Variants in PTPRT observed in about 807,000 individuals in gnomAD.
PTPRT encodes protein tyrosine phosphatase receptor type T, also known as receptor-type tyrosine-protein phosphatase T.
Under a neutral mutation model 176.8 loss-of-function variants are expected in PTPRT, and 56 were observed. The ratio of observed to expected loss-of-function variants is 0.32; its 90% confidence interval spans 0.26 to 0.40. The LOEUF (loss-of-function observed/expected upper bound fraction) is 0.40. Among genes scored for constraint, PTPRT ranks in the 10% least tolerant of loss-of-function variants. The pLI, the probability that PTPRT is intolerant of heterozygous loss-of-function variation, is 1.00. For missense variants in PTPRT, 1,540 were observed against 1,908.2 expected (o/e 0.81, Z 3.60); for synonymous variants, 783 against 739.0 (o/e 1.06, Z -0.96).
At chr20:42,839,312 T>A (rs8116034) in intron 2 of PTPRT, among the ~76,000 whole-genome samples, 1 of 151,652 alleles carries the variant, frequency 6.6e-6, no homozygotes, top group Non-Finnish European at 1.5e-5. Context: ...ACTCTGTTTT[T>A]TTTTTTTTTT....
chr20:42,528,961 C>G (rs1399220796), intron 7 of PTPRT, among the ~76,000 whole-genome samples: 1 of 152,194 alleles, frequency 6.6e-6, no homozygotes, highest in Non-Finnish European at 1.5e-5. Flanking sequence ...TCATACAACT[C>G]GCTCTCTATG....
rs200831045 is a variant in PTPRT at position 42,791,374 on chromosome 20, T to C, written c.307A>G (p.Ile103Val). ...PTLKENDTHC[I>V]DFHYYFSSRD... is the part of the protein sequence containing the mutation. Reference sequence around the variant, plus strand: ...CTGGAGAAGTAGTAATGGAAGTCGATGCAGTGGGTGTCATTCTCCTTCAGG... The same window carrying C: ...CTGGAGAAGTAGTAATGGAAGTCGACGCAGTGGGTGTCATTCTCCTTCAGG... Residue 103 changes from isoleucine (I) to valine (V), a missense_variant, in exon 3 of 31, where the codon ATC becomes GTC. By Grantham distance (29) the Ile-to-Val change is conservative (BLOSUM62 3). Transcript: ENST00000373187. 3.7e-6 allele frequency: 6 copies of C among 1,614,116 alleles called. No homozygotes were observed. The African/African-American group carries it at 4.0e-5, about 11-fold the overall frequency.
At position 43,189,861 on chromosome 20, in the gene PTPRT, C is replaced by G. The variant is rs1035272214; in HGVS notation, c.-128G>C. 1 of 287,444 alleles carries G rather than the reference C, an allele frequency of 3.5e-6. No individual in the cohort carries two copies. The highest frequency in any genetic ancestry group is 2.3e-5 in the African/African-American group (1 of 43,446). 17.8% of individuals were successfully genotyped at this position (287,444 alleles called of 1,614,324 possible). On this transcript the variant is annotated 5_prime_UTR_variant, in exon 1 of 31. Coordinates refer to ENST00000373187, the MANE Select transcript of PTPRT (RefSeq NM_007050.6). The surrounding 1 kb of genome is among the most constrained non-coding windows in gnomAD (Gnocchi z 5.0). ...CGCGCGGCTGGCTCCGCTCGGGCTC[C>G]CGGAGCCGGCGCTCCTGCGTTCCAA... is the stretch of plus-strand genomic sequence containing the variant.
At chr20:42,880,514 C>T (rs982292078) in intron 2 of PTPRT, among the ~76,000 whole-genome samples, 26 of 152,184 alleles carry the variant, frequency 1.7e-4, no homozygotes, top group African/African-American at 5.6e-4. Context: ...CAGCCCTTTC[C>T]GAAGGATACC....
intron 2 of PTPRT, among the ~76,000 whole-genome samples, chr20:42,811,837 A>T (rs1239694968): frequency 6.6e-6 from 1 of 152,118 alleles, no homozygotes; most frequent in Non-Finnish European, 1.5e-5. Flanking sequence ...TGCATTCATG[A>T]ATCTTTTATT....
At chr20:42,276,194 A>G (rs2057026519) in intron 13 of PTPRT, among the ~76,000 whole-genome samples, 1 of 151,974 alleles carries the variant, frequency 6.6e-6, no homozygotes, top group African/African-American at 2.4e-5. Flanking sequence ...ACAATCCTAT[A>G]CATGTCCATA....
At chr20:43,028,268 C>T (rs2146191716) in intron 1 of PTPRT, among the ~76,000 whole-genome samples, 1 of 152,240 alleles carries the variant, frequency 6.6e-6, no homozygotes, top group South Asian at 2.1e-4. Flanking sequence ...TGGAGAGAGG[C>T]TCTTCCAGAT....
chr20:42,368,320 G>T (rs1237540323), intron 9 of PTPRT, among the ~76,000 whole-genome samples: 8 of 152,196 alleles, frequency 5.3e-5, no homozygotes, highest in African/African-American at 1.7e-4. Flanking sequence ...AATCTCAGGA[G>T]TGTGGACCTT....
At chr20:42,754,421 G>A (rs6103032) in intron 6 of PTPRT, among the ~76,000 whole-genome samples, 1 of 151,904 alleles carries the variant, frequency 6.6e-6, no homozygotes, top group Non-Finnish European at 1.5e-5. Flanking sequence ...CCTGGCCTCA[G>A]GCGCATGCCA....
At chr20:42,854,836 G>A (rs1163535015) in intron 2 of PTPRT, among the ~76,000 whole-genome samples, 1 of 152,156 alleles carries the variant, frequency 6.6e-6, no homozygotes, top group Non-Finnish European at 1.5e-5. Flanking sequence ...AATTAAATTA[G>A]ATCAGTTATA....
intron 2 of PTPRT, among the ~76,000 whole-genome samples, chr20:42,858,172 A>G (rs555962900): frequency 5.3e-5 from 8 of 152,328 alleles, no homozygotes; most frequent in African/African-American, 1.7e-4. Flanking sequence ...TTTACCTGCC[A>G]TGGTAACACT....
chr20:43,122,378 G>T (rs767583198), intron 1 of PTPRT, among the ~76,000 whole-genome samples: 68 of 152,290 alleles, frequency 4.5e-4, no homozygotes, highest in Non-Finnish European at 7.4e-4. Context: ...CAGCTAATGT[G>T]AGTGAAACCC....
At chr20:42,796,407 C>T (rs1191017938) in intron 2 of PTPRT, among the ~76,000 whole-genome samples, 1 of 152,164 alleles carries the variant, frequency 6.6e-6, no homozygotes, top group African/African-American at 2.4e-5. Context: ...CAAAGCATAA[C>T]AAATTACATC....
chr20:42,904,754 A>T (rs547852080), intron 1 of PTPRT, among the ~76,000 whole-genome samples: 10 of 152,176 alleles, frequency 6.6e-5, no homozygotes, highest in Non-Finnish European at 1.5e-4. Context: ...GACTCCAGAA[A>T]TAACACCACA....
chr20:42,505,488 G>C (rs920018858), intron 7 of PTPRT, among the ~76,000 whole-genome samples: 2 of 152,006 alleles, frequency 1.3e-5, no homozygotes, highest in Admixed American at 6.6e-5. Context: ...TTTTAGTAGA[G>C]ACCAGGTTTC....
rs142969432 is a variant in PTPRT, at chr20:42,841,424, T to A, written c.214+44383A>T. Among the ~76,000 whole-genome samples the A allele has an allele frequency of 4.6e-5, 7 of 152,188 alleles. No individual in the cohort carries two copies. In the East Asian group the frequency reaches 1.4e-3, roughly 29 times the overall value. On this transcript the variant is annotated intron_variant, in intron 2 of 30. Coordinates refer to ENST00000373187, the MANE Select transcript of PTPRT (RefSeq NM_007050.6). ...AGCTCAGAATTCAGAACAGTTTGGGTTTTTAGACAAGTAATATGGGCCCAT... is the reference window on the plus strand; with the variant it reads ...AGCTCAGAATTCAGAACAGTTTGGGATTTTAGACAAGTAATATGGGCCCAT...
chr20:42,201,947 T>TTGTGTGTGTGTGTGTGTG (rs1189357177), intron 15 of PTPRT, among the ~76,000 whole-genome samples: 7 of 58,000 alleles, frequency 1.2e-4, no homozygotes, highest in African/African-American at 4.9e-4. Flanking sequence ...AAGAGAAAAG[T>TTGTGTGTGTGTGTGTGTG]TGCGTGTGTG....
Position 42,190,757 on chromosome 20 carries a change from T to C in PTPRT, c.2491+8483A>G, listed in dbSNP as rs79176771. On this transcript the variant is annotated intron_variant, in intron 16 of 30. Coordinates refer to ENST00000373187, the MANE Select transcript of PTPRT (RefSeq NM_007050.6). ...TTCAAGAACCACTGCTTTGAGCAGA[T>C]GACTCAGTGTCTGTGGCCTTAAGTT... Among the ~76,000 whole-genome samples, 203 of 152,320 alleles carry C rather than the reference T, an allele frequency of 1.3e-3. 8 individuals are homozygous for C. In the East Asian group the frequency reaches 0.037, roughly 28 times the overall value.
chr20:42,069,325 T>A (rs1248417803), downstream of PTPRT, among the ~76,000 whole-genome samples: 2 of 152,230 alleles, frequency 1.3e-5, no homozygotes, highest in African/African-American at 4.8e-5. Context: ...GAAAAAAATT[T>A]CTTCTAGGCT....
Sources: allele counts gnomAD v4.1 joint callset (sites outside exome capture counted in the v4.1 genomes callset), GRCh38; gene constraint gnomAD v4.1.1; non-coding constraint Gnocchi (gnomAD v3.1); transcripts MANE v1.5; gene names NCBI Gene and HGNC (gene_info 2026-07-23, HGNC 2026-07-21).